FSHR: variants seen among roughly 807,000 people sequenced by gnomAD.
The protein encoded by FSHR is follicle-stimulating hormone receptor.
FSHR carries 46 observed loss-of-function variants against 52.1 expected under a neutral mutation model. The ratio of observed to expected loss-of-function variants is 0.88; its 90% CI spans 0.70 to 1.13. The LOEUF (loss-of-function observed/expected upper bound fraction) is 1.13. FSHR is among the 50% of genes most tolerant of loss of function. The pLI is 0.00. For synonymous variants in FSHR, 399 were observed against 309.6 expected, an observed-to-expected ratio of 1.29 and a Z score of -3.03; for missense variants, 964 against 834.6, an observed-to-expected ratio of 1.16 and a Z score of -1.91.
At chr2:49,140,063 T>A (rs936464209) in intron 1 of FSHR, among the ~76,000 whole-genome samples, 3 of 152,116 alleles carry the variant, frequency 2.0e-5, no homozygotes, top group Non-Finnish European at 4.4e-5. Context: ...TAGGGAACTA[T>A]GGATTTGTTA....
At chr2:49,029,126 G>A (rs985834160) in intron 2 of FSHR, among the ~76,000 whole-genome samples, 1 of 152,140 alleles carries the variant, frequency 6.6e-6, no homozygotes, top group Non-Finnish European at 1.5e-5. Context: ...TTGAAGAAAA[G>A]AAATAACCAA....
At chr2:49,106,488 G>C (rs1022293908) in intron 1 of FSHR, among the ~76,000 whole-genome samples, 6 of 152,118 alleles carry the variant, frequency 3.9e-5, no homozygotes, top group African/African-American at 1.4e-4. Context: ...GGCTGGAGAT[G>C]GTTCCTGCCA....
intron 1 of FSHR, among the ~76,000 whole-genome samples, chr2:49,071,393 G>T (rs913814872): frequency 6.6e-5 from 10 of 151,988 alleles, no homozygotes; most frequent in African/African-American, 2.4e-4. Flanking sequence ...AATTATTAGA[G>T]AAAATAACTG....
intron 2 of FSHR, among the ~76,000 whole-genome samples, chr2:49,050,077 A>G (rs1207499188): frequency 1.3e-5 from 2 of 152,132 alleles, no homozygotes; most frequent in Non-Finnish European, 2.9e-5. Flanking sequence ...GGTTGAAGCA[A>G]TAAATATAAC....
chr2:49,078,997 C>T (rs1047189705), intron 1 of FSHR, among the ~76,000 whole-genome samples: 1 of 152,098 alleles, frequency 6.6e-6, no homozygotes, highest in Non-Finnish European at 1.5e-5. Flanking sequence ...TTTACACACA[C>T]ACACAAAGCC....
intron 1 of FSHR, among the ~76,000 whole-genome samples, chr2:49,126,407 CAATATT>C (rs1671998802): frequency 6.6e-6 from 1 of 152,122 alleles, no homozygotes. Context: ...CATAATATAA[CAATATT>C]AATCCATTTA....
intron 9 of FSHR, among the ~76,000 whole-genome samples, chr2:48,967,944 C>T (rs921193188): frequency 2.0e-5 from 3 of 152,144 alleles, no homozygotes; most frequent in Non-Finnish European, 4.4e-5. Flanking sequence ...CTCAGAGGAG[C>T]GTGAGAGCTT....
chr2:49,000,322 T>G (rs552842266), intron 4 of FSHR, among the ~76,000 whole-genome samples: 22 of 152,138 alleles, frequency 1.4e-4, no homozygotes, highest in Non-Finnish European at 3.1e-4. Flanking sequence ...CACGGCAAAC[T>G]AAGTCAAAAG....
chr2:48,981,448 A>AT (rs917775934), intron 8 of FSHR, among the ~76,000 whole-genome samples: 14 of 151,926 alleles, frequency 9.2e-5, no homozygotes, highest in African/African-American at 2.7e-4. Flanking sequence ...TGTTTTGGCC[A>AT]TTTTTTTTAG....
chr2:49,053,899 A>G (rs1668960078), intron 2 of FSHR, among the ~76,000 whole-genome samples: 1 of 152,160 alleles, frequency 6.6e-6, no homozygotes, highest in African/African-American at 2.4e-5. Flanking sequence ...GGGCCTTGAC[A>G]ACTCTATGAC....
chr2:49,124,703 A>G (rs917467077), intron 1 of FSHR, among the ~76,000 whole-genome samples: 1 of 152,120 alleles, frequency 6.6e-6, no homozygotes, highest in Non-Finnish European at 1.5e-5. Flanking sequence ...CTCTGTTACC[A>G]CATGTATGTG....
At chr2:49,084,279 G>T (rs974075413) in intron 1 of FSHR, among the ~76,000 whole-genome samples, 8 of 152,110 alleles carry the variant, frequency 5.3e-5, no homozygotes, top group East Asian at 1.9e-4. Flanking sequence ...CAGAAATAAA[G>T]ATGTTCTTTG....
intron 6 of FSHR, among the ~76,000 whole-genome samples, chr2:48,987,837 AACACACACACACACAC>A (rs72108367): frequency 6.8e-6 from 1 of 146,040 alleles, no homozygotes; most frequent in African/African-American, 2.5e-5. Flanking sequence ...ACCTCATCTC[AACACACACACACACAC>A]ACACACACAC....
intron 8 of FSHR, among the ~76,000 whole-genome samples, chr2:48,971,653 T>A (rs1379939432): frequency 6.6e-6 from 1 of 152,204 alleles, no homozygotes; most frequent in African/African-American, 2.4e-5. Flanking sequence ...TACTTACTGA[T>A]TTTTTTGCTT....
At chr2:49,092,923 C>T (rs2103698355) in intron 1 of FSHR, among the ~76,000 whole-genome samples, 1 of 152,330 alleles carries the variant, frequency 6.6e-6, no homozygotes, top group Non-Finnish European at 1.5e-5. Context: ...GCCTCAGACT[C>T]CCAAAGTGCT....
At chr2:49,124,335 G>T (rs1671924847) in intron 1 of FSHR, among the ~76,000 whole-genome samples, 1 of 151,942 alleles carries the variant, frequency 6.6e-6, no homozygotes, top group Non-Finnish European at 1.5e-5. Context: ...AGTATTCTAA[G>T]GGCAAGGGAT....
At chr2:49,129,167 C>G (rs1189877272) in intron 1 of FSHR, among the ~76,000 whole-genome samples, 1 of 151,998 alleles carries the variant, frequency 6.6e-6, no homozygotes, top group Admixed American at 6.6e-5. Context: ...CCAGTAAATA[C>G]CACTGCCTTC....
chr2:49,124,492 T>G (rs1671932105), intron 1 of FSHR, among the ~76,000 whole-genome samples: 1 of 152,200 alleles, frequency 6.6e-6, no homozygotes, highest in African/African-American at 2.4e-5. Context: ...CTCATGATCT[T>G]CATCCTCCCT....
intron 8 of FSHR, 136 bp downstream of exon 8, chr2:48,982,776 T>A: frequency 1.3e-6 from 1 of 763,764 alleles, no homozygotes; most frequent in Non-Finnish European, 2.3e-6. Context: ...CTCTATAAAT[T>A]TTTGCAGATG....
Sources: gnomAD v4.1 joint callset for allele counts (sites outside exome capture counted in the v4.1 genomes callset) on GRCh38, gnomAD v4.1.1 for gene constraint, MANE v1.5 for transcripts, NCBI Gene and HGNC (gene_info 2026-07-23, HGNC 2026-07-21) for gene names.